FOXP1: variants seen among roughly 807,000 people sequenced by gnomAD.
The protein encoded by FOXP1 is forkhead box protein P1.
Under a neutral mutation model 98.2 loss-of-function variants are expected in FOXP1, and 15 were observed. That is an observed-to-expected ratio of 0.15 (90% CI 0.10 to 0.24). FOXP1 has a LOEUF of 0.24. FOXP1 is among the 10% of genes least tolerant of loss of function. The pLI, the probability that FOXP1 is intolerant of heterozygous loss-of-function variation, is 1.00. For missense variants in FOXP1, 633 were observed against 848.5 expected (o/e 0.75, Z 3.15); for synonymous variants, 371 against 314.5 (o/e 1.18, Z -1.90).
At chr3:71,432,643 C>A (rs1357370014) in intron 3 of FOXP1, among the ~76,000 whole-genome samples, 1 of 152,092 alleles carries the variant, frequency 6.6e-6, no homozygotes, top group Non-Finnish European at 1.5e-5. Flanking sequence ...TGGGCGCCTG[C>A]AGCACCAGAA....
At chr3:71,379,692 G>C (rs779574562) in intron 3 of FOXP1, among the ~76,000 whole-genome samples, 5 of 152,192 alleles carry the variant, frequency 3.3e-5, no homozygotes, top group African/African-American at 9.7e-5. Flanking sequence ...CATAAATGGA[G>C]TTTTGTTGGG....
At chr3:71,414,811 C>T (rs2083086053) in intron 3 of FOXP1, among the ~76,000 whole-genome samples, 1 of 152,210 alleles carries the variant, frequency 6.6e-6, no homozygotes, top group African/African-American at 2.4e-5. Flanking sequence ...AAAATGATAA[C>T]TTAGATGAGG....
intron 2 of FOXP1, among the ~76,000 whole-genome samples, chr3:71,557,511 G>A (rs1394932763): frequency 1.3e-5 from 2 of 152,090 alleles, no homozygotes; most frequent in East Asian, 3.9e-4. Context: ...CAAGAACTAC[G>A]AAAAAGAAAA....
At chr3:71,582,643 G>A in intron 1 of FOXP1, 2 of 985,438 alleles carry the variant, frequency 2.0e-6, no homozygotes, top group South Asian at 9.4e-5. Context: ...GTGTGATGGT[G>A]GGAGAGAGAT....
intron 14 of FOXP1, among the ~76,000 whole-genome samples, chr3:70,987,716 C>G (rs994328698): frequency 1.3e-5 from 2 of 152,172 alleles, no homozygotes; most frequent in Non-Finnish European, 2.9e-5. Flanking sequence ...TATTTCAGTA[C>G]CTTGCTTGGG....
chr3:71,488,904 A>C (rs1281563258), intron 3 of FOXP1, among the ~76,000 whole-genome samples: 5 of 152,236 alleles, frequency 3.3e-5, no homozygotes, highest in Admixed American at 6.5e-5. Context: ...CCAGCTTATA[A>C]AACATATTAT....
At chr3:71,008,438 C>T (rs985289241) in intron 12 of FOXP1, among the ~76,000 whole-genome samples, 3 of 152,072 alleles carry the variant, frequency 2.0e-5, no homozygotes, top group Non-Finnish European at 2.9e-5. Context: ...CTGGATGATA[C>T]GGGACTTGTT....
chr3:71,355,097 C>T (rs1239003231), intron 4 of FOXP1, among the ~76,000 whole-genome samples: 1 of 152,148 alleles, frequency 6.6e-6, no homozygotes, highest in Non-Finnish European at 1.5e-5. Flanking sequence ...CCAGAGAAAA[C>T]CCAAGGGCAG....
In FOXP1 at chr3:71,403,526, G is replaced by A. The variant is rs147977564; in HGVS notation, c.-167-44282C>T. Among the ~76,000 whole-genome samples, 11 of 152,336 alleles carry A rather than the reference G, an allele frequency of 7.2e-5. No homozygotes were observed. In the East Asian group the frequency reaches 1.7e-3, roughly 24 times the overall value. The stretch of plus-strand genomic sequence containing the variant: ...CATGCACGCGTGCCTCATGTTTATA[G>A]GAAAGAGTTTATTCTCTCTCTGTTA... On this transcript the variant is annotated intron_variant, in intron 3 of 20. Coordinates refer to ENST00000649528, the MANE Select transcript of FOXP1 (RefSeq NM_001349338.3).
At chr3:71,057,024 AAG>A (rs926626596) in intron 7 of FOXP1, among the ~76,000 whole-genome samples, 6 of 152,172 alleles carry the variant, frequency 3.9e-5, no homozygotes, top group Non-Finnish European at 8.8e-5. Context: ...CATTAGCGGC[AAG>A]AGTGATTGTA....
chr3:71,412,550 C>T (rs1022552819), intron 3 of FOXP1, among the ~76,000 whole-genome samples: 2 of 152,134 alleles, frequency 1.3e-5, no homozygotes, highest in African/African-American at 2.4e-5. Context: ...GGCATAAGAA[C>T]GCCCAACTAC....
intron 19 of FOXP1, chr3:70,969,916 T>C (rs972569266): frequency 2.0e-5 from 3 of 152,284 alleles, no homozygotes; most frequent in Non-Finnish European, 4.4e-5. Flanking sequence ...TGCTTACTTA[T>C]GAACTCTTGA....
At chr3:71,218,791 C>G (rs2065136699) in intron 5 of FOXP1, among the ~76,000 whole-genome samples, 1 of 152,098 alleles carries the variant, frequency 6.6e-6, no homozygotes, top group African/African-American at 2.4e-5. Flanking sequence ...TTTGTGGGGC[C>G]CCTACTCTCA....
intron 5 of FOXP1, among the ~76,000 whole-genome samples, chr3:71,244,031 T>G (rs1349517597): frequency 1.3e-5 from 2 of 152,052 alleles, no homozygotes; most frequent in Non-Finnish European, 2.9e-5. Context: ...ACATTAAAAT[T>G]TAAAAGAAAA....
At chr3:70,966,573 A>AT (rs1182610316) in intron 19 of FOXP1, among the ~76,000 whole-genome samples, 2 of 152,142 alleles carry the variant, frequency 1.3e-5, no homozygotes, top group South Asian at 4.1e-4. Flanking sequence ...ATTGGAATCA[A>AT]TTTTTTATCT....
chr3:71,259,574 G>T (rs912830298), intron 5 of FOXP1, among the ~76,000 whole-genome samples: 3 of 152,128 alleles, frequency 2.0e-5, no homozygotes, highest in Non-Finnish European at 4.4e-5. Context: ...CCCTATGGGC[G>T]TCTGGTAAAG....
chr3:71,305,727 C>A (rs891870807), intron 4 of FOXP1: 1 of 152,344 alleles, frequency 6.6e-6, no homozygotes, highest in African/African-American at 2.4e-5. Context: ...CTAAGAGGCA[C>A]CTGTACTTGT....
At chr3:71,140,458 C>T (rs1380021038) in intron 6 of FOXP1, among the ~76,000 whole-genome samples, 2 of 152,196 alleles carry the variant, frequency 1.3e-5, no homozygotes, top group Non-Finnish European at 2.9e-5. Flanking sequence ...GGATTTCAAC[C>T]TGCAACTTCC....
chr3:71,491,021 T>C (rs2091023985), intron 3 of FOXP1, among the ~76,000 whole-genome samples: 1 of 152,130 alleles, frequency 6.6e-6, no homozygotes, highest in Non-Finnish European at 1.5e-5. Flanking sequence ...TTTTTTATTA[T>C]TATTATTATT....
Sources: allele counts gnomAD v4.1 joint callset (sites outside exome capture counted in the v4.1 genomes callset), GRCh38; gene constraint gnomAD v4.1.1; transcripts MANE v1.5; gene names NCBI Gene and HGNC (gene_info 2026-07-23, HGNC 2026-07-21).